Variants in LSG1 observed in about 807,000 individuals in gnomAD.
The protein encoded by LSG1 is large subunit GTPase 1 homolog.
In LSG1, 55 loss-of-function variants were observed where a neutral mutation model predicts 82.6. The observed-to-expected ratio is 0.67, with a 90% CI of 0.54 to 0.83. The LOEUF (loss-of-function observed/expected upper bound fraction) is 0.83, where lower values mean the gene tolerates loss of function less well. Ranked by LOEUF, LSG1 falls within the 40% of genes least tolerant of loss-of-function variation. The pLI is 0.00. For synonymous variants in LSG1, 272 were observed against 282.5 expected, an observed-to-expected ratio of 0.96 and a Z score of 0.37; for missense variants, 809 against 807.9, an observed-to-expected ratio of 1.00 and a Z score of -0.02.
intron 2 of LSG1, 77 bp from the exon 3 acceptor site, chr3:194,666,649 GA>G (rs1719036782): frequency 1.6e-6 from 2 of 1,247,926 alleles, no homozygotes; most frequent in East Asian, 4.7e-5. Context: ...GATAAACTGA[GA>G]AAACTAAAAA....
At chr3:194,653,750 T>C (rs562293102) in intron 7 of LSG1, among the ~76,000 whole-genome samples, 1 of 152,106 alleles carries the variant, frequency 6.6e-6, no homozygotes, top group Non-Finnish European at 1.5e-5. Context: ...TTAAAATAAC[T>C]CTAGGCCGGG....
intron 6 of LSG1, among the ~76,000 whole-genome samples, 190 bp downstream of exon 6, chr3:194,659,883 A>T (rs1718885985): frequency 6.6e-6 from 1 of 152,246 alleles, no homozygotes; most frequent in Non-Finnish European, 1.5e-5. Flanking sequence ...CTGCAGATGG[A>T]CACCATTGTT....
chr3:194,644,499 G>A (rs1441097952), intron 13 of LSG1, 74 bp downstream of exon 13: 16 of 1,109,636 alleles, frequency 1.4e-5, no homozygotes, highest in East Asian at 2.5e-5. Context: ...ATGTGTTTAT[G>A]GCATGTGATA....
chr3:194,658,108 T>C (rs1261092572), intron 7 of LSG1, among the ~76,000 whole-genome samples: 1 of 152,194 alleles, frequency 6.6e-6, no homozygotes, highest in Non-Finnish European at 1.5e-5. Context: ...AGTCTCTCCA[T>C]CTCTACGATT....
intron 13 of LSG1, among the ~76,000 whole-genome samples, chr3:194,643,781 A>T (rs1718448821): frequency 6.6e-6 from 1 of 152,244 alleles, no homozygotes; most frequent in Non-Finnish European, 1.5e-5. Context: ...AGTAGCCAAA[A>T]AGTGGAAACA....
intron 4 of LSG1, 130 bp from the exon 5 acceptor site, chr3:194,665,773 A>C (rs921292114): frequency 1.7e-5 from 10 of 577,174 alleles, no homozygotes; most frequent in Non-Finnish European, 3.0e-5. Flanking sequence ...ATTATTTTAT[A>C]TATTTCCTGC....
intron 5 of LSG1, among the ~76,000 whole-genome samples, chr3:194,661,120 T>C (rs529064315): frequency 6.6e-6 from 1 of 152,368 alleles, no homozygotes; most frequent in African/African-American, 2.4e-5. Flanking sequence ...TTTAGGACAT[T>C]CTTTTGACAA....
chr3:194,646,328 A>G, intron 11 of LSG1, 85 bp from the exon 12 acceptor site: 1 of 969,912 alleles, frequency 1.0e-6, no homozygotes, highest in Non-Finnish European at 1.7e-6. Context: ...TTCTATTACT[A>G]AGCATTCTTA....
At chr3:194,645,575 GACACACACACACACACACACACACAC>G (rs57272537) in intron 12 of LSG1, among the ~76,000 whole-genome samples, 15 of 20,070 alleles carry the variant, frequency 7.5e-4, no homozygotes, top group South Asian at 2.3e-3. Flanking sequence ...CACACAGACA[GACACACACACACACACACACACACAC>G]ACACACACAC....
At chr3:194,650,006 G>A (rs765254569) in intron 10 of LSG1, among the ~76,000 whole-genome samples, 6 of 151,664 alleles carry the variant, frequency 4.0e-5, no homozygotes, top group South Asian at 4.2e-4. Context: ...TGCAACCTCC[G>A]CCTCCCAGGT....
Position 194,666,470 on chromosome 3 carries a change from A to G in LSG1, c.329T>C (p.Phe110Ser), listed in dbSNP as rs1719032184. Residue 110 changes from phenylalanine (F) to serine (S), a missense_variant, in exon 3 of 14, where the codon TTC (phenylalanine) becomes TCC (serine). Phe to Ser is a radical substitution (Grantham distance 155, BLOSUM62 -2). Transcript: ENST00000265245. ...AGCTCACCTCCTCGGTATACACAAG[A>G]ACTGTTTGTTTTCTTCATGGAGCTT... is the stretch of plus-strand genomic sequence containing the variant. ...IKKLHEENKQ[F>S]LCIPRRPNWN... The G allele has an allele frequency of 1.2e-6, 2 of 1,614,106 alleles. No individual in the cohort carries two copies. The highest frequency in any genetic ancestry group is 1.7e-6 in the Non-Finnish European group (2 of 1,180,016).
In LSG1 at chr3:194,646,145, A is replaced by G. The variant is rs1180858998; in HGVS notation, c.1623+19T>C. On this transcript the variant is annotated intron_variant, in intron 12 of 13. Transcript: ENST00000265245. ...AAAGACTTGTGTATTGGAGAGCATG[A>G]GAGGCAGGGTTCACTTACACTGACA... 1 of 1,612,120 alleles carries G rather than the reference A, an allele frequency of 6.2e-7. No homozygotes were observed. The highest frequency in any genetic ancestry group is 8.5e-7 in the Non-Finnish European group (1 of 1,178,422).
intron 2 of LSG1, among the ~76,000 whole-genome samples, chr3:194,667,942 A>AAAAAAAAAAAAAAAAAAAAATAT (rs1416407494): frequency 1.1e-5 from 1 of 86,968 alleles, no homozygotes; most frequent in African/African-American, 4.8e-5. Context: ...AAAAAAAAAA[A>AAAAAAAAAAAAAAAAAAAAATAT]ATATATATAT....
chr3:194,642,439 A>G (rs190995795), intron 13 of LSG1, among the ~76,000 whole-genome samples, 192 bp from the exon 14 acceptor site: 76 of 135,934 alleles, frequency 5.6e-4, no homozygotes, highest in Admixed American at 9.0e-4. Context: ...CCCCCTCCTC[A>G]TTCCCTCGTC....
intron 11 of LSG1, 107 bp from the exon 12 acceptor site, chr3:194,646,350 T>A (rs1390006601): frequency 5.1e-6 from 4 of 779,916 alleles, no homozygotes; most frequent in Admixed American, 2.3e-5. Flanking sequence ...TCTTGGATTT[T>A]AAAAAATTAG....
chr3:194,652,240 T>G (rs895715860), intron 8 of LSG1, among the ~76,000 whole-genome samples: 1 of 152,234 alleles, frequency 6.6e-6, no homozygotes, highest in African/African-American at 2.4e-5. Flanking sequence ...TATGTAAGGC[T>G]GGGGATGGGA....
intron 7 of LSG1, among the ~76,000 whole-genome samples, chr3:194,656,780 A>T (rs1367998542): frequency 2.0e-5 from 3 of 152,198 alleles, no homozygotes; most frequent in African/African-American, 7.2e-5. Context: ...TGGATTAAGA[A>T]AATGTGGCAC....
At chr3:194,660,553 A>T (rs568397222) in intron 5 of LSG1, among the ~76,000 whole-genome samples, 2 of 152,326 alleles carry the variant, frequency 1.3e-5, no homozygotes, top group East Asian at 3.9e-4. Context: ...TTCAATCCCT[A>T]ATCTGCCCTC....
chr3:194,660,525 G>A (rs1485752067), intron 5 of LSG1, among the ~76,000 whole-genome samples: 7 of 152,132 alleles, frequency 4.6e-5, no homozygotes, highest in Non-Finnish European at 7.3e-5. Flanking sequence ...TTCACTCCAC[G>A]GCAAAGTCTA....
Sources: allele counts gnomAD v4.1 joint callset (sites outside exome capture counted in the v4.1 genomes callset), GRCh38; gene constraint gnomAD v4.1.1; transcripts MANE v1.5; gene names NCBI Gene and HGNC (gene_info 2026-07-23, HGNC 2026-07-21).